The following SPAG16 variants were observed in gnomAD, a reference collection of about 807,000 sequenced individuals.
SPAG16 encodes sperm associated antigen 16, also known as sperm-associated antigen 16 protein.
Under a neutral mutation model 80.4 loss-of-function variants are expected in SPAG16, and 86 were observed. The ratio of observed to expected loss-of-function variants is 1.07; its 90% CI spans 0.90 to 1.28. The LOEUF (loss-of-function observed/expected upper bound fraction) is 1.28, where lower values mean the gene tolerates loss of function less well. SPAG16 is among the 50% of genes most tolerant of loss of function. The probability of loss-of-function intolerance (pLI) is 0.00; values close to 1 mark genes in which losing one functional copy is unlikely to be tolerated. For synonymous variants in SPAG16, 294 were observed against 265.9 expected (o/e 1.11, Z -1.03); for missense variants, 870 against 765.3 (o/e 1.14, Z -1.61).
intron 10 of SPAG16, among the ~76,000 whole-genome samples, chr2:213,798,903 T>C (rs2125631259): frequency 6.6e-6 from 1 of 152,344 alleles, no homozygotes; most frequent in East Asian, 1.9e-4. Context: ...TAAGAGTTTA[T>C]TACTGGGTTC....
intron 12 of SPAG16, among the ~76,000 whole-genome samples, chr2:213,975,670 A>G (rs2045333920): frequency 6.6e-6 from 1 of 152,056 alleles, no homozygotes; most frequent in African/African-American, 2.4e-5. Context: ...TGATGAATCT[A>G]AGAATAATTA....
At chr2:214,372,259 T>C (rs1337068695) in intron 15 of SPAG16, among the ~76,000 whole-genome samples, 2 of 152,208 alleles carry the variant, frequency 1.3e-5, no homozygotes. Flanking sequence ...AGAAATTGTA[T>C]AAACAGCCTG....
intron 10 of SPAG16, among the ~76,000 whole-genome samples, chr2:213,686,003 G>C (rs2064648306): frequency 6.6e-6 from 1 of 152,144 alleles, no homozygotes; most frequent in Non-Finnish European, 1.5e-5. Context: ...AATAAATTTT[G>C]ACATATAATT....
chr2:213,652,599 G>C (rs910119807), intron 10 of SPAG16, among the ~76,000 whole-genome samples: 19 of 152,050 alleles, frequency 1.2e-4, no homozygotes, highest in African/African-American at 4.6e-4. Context: ...CTAACAGGTA[G>C]TGATATATTG....
chr2:213,321,125 TATCAA>T (rs900976012), intron 5 of SPAG16, among the ~76,000 whole-genome samples: 4 of 152,078 alleles, frequency 2.6e-5, no homozygotes, highest in Non-Finnish European at 5.9e-5. Flanking sequence ...ATAAAATAGA[TATCAA>T]ATACTTTTCT....
chr2:213,348,781 C>G (rs925700671), intron 6 of SPAG16, among the ~76,000 whole-genome samples: 1 of 152,128 alleles, frequency 6.6e-6, no homozygotes, highest in African/African-American at 2.4e-5. Flanking sequence ...TTGTGACTAA[C>G]CCGACCTTTC....
At position 213,769,471 on chromosome 2, in the gene SPAG16, T is replaced by A. The variant is rs534382334; in HGVS notation, c.1071-93014T>A. ...TGGCATTGGTGACAGCGTTATCAGA[T>A]TAGGTGGTATACCAGAGTCAGAAGT... On this transcript the variant is annotated intron_variant, in intron 10 of 15. Transcript: ENST00000331683. 2.6e-5 allele frequency among the ~76,000 whole-genome samples: 4 copies of A among 152,230 alleles called. No individual in the cohort carries two copies. In the East Asian group the frequency reaches 7.7e-4, roughly 29 times the overall value.
At chr2:213,675,091 A>G (rs1283629179) in intron 10 of SPAG16, among the ~76,000 whole-genome samples, 1 of 151,624 alleles carries the variant, frequency 6.6e-6, no homozygotes, top group Non-Finnish European at 1.5e-5. Context: ...GTGGTGTGAG[A>G]TGATATCTCA....
intron 15 of SPAG16, among the ~76,000 whole-genome samples, chr2:214,266,261 C>A (rs920237118): frequency 2.6e-5 from 4 of 151,830 alleles, no homozygotes; most frequent in African/African-American, 4.8e-5. Context: ...TTGCCTGTAG[C>A]ATGTATTAAG....
At chr2:213,867,973 A>C (rs537455359) in intron 11 of SPAG16, among the ~76,000 whole-genome samples, 2 of 150,116 alleles carry the variant, frequency 1.3e-5, no homozygotes, top group South Asian at 4.2e-4. Flanking sequence ...GTTGTTATAA[A>C]ACTGTCAGCC....
At chr2:213,541,323 C>T (rs528026307) in intron 10 of SPAG16, among the ~76,000 whole-genome samples, 1 of 152,150 alleles carries the variant, frequency 6.6e-6, no homozygotes, top group African/African-American at 2.4e-5. Context: ...AGAGTATGCT[C>T]TTGAAACATC....
chr2:213,763,470 C>T (rs1449231331), intron 10 of SPAG16, among the ~76,000 whole-genome samples: 1 of 152,068 alleles, frequency 6.6e-6, no homozygotes, highest in African/African-American at 2.4e-5. Flanking sequence ...ATTAGGTATT[C>T]AAGTAGTCAA....
intron 15 of SPAG16, among the ~76,000 whole-genome samples, chr2:214,328,874 G>T (rs182586971): frequency 1.3e-5 from 2 of 152,042 alleles, no homozygotes; most frequent in Non-Finnish European, 2.9e-5. Flanking sequence ...TTCTAGGCAC[G>T]GGGGAAGGCA....
At position 214,410,487 on chromosome 2, in the gene SPAG16, A is replaced by G. The variant is rs1482828435; in HGVS notation, c.*172A>G. On this transcript the variant is annotated 3_prime_UTR_variant, in exon 16 of 16. Coordinates refer to ENST00000331683, the MANE Select transcript of SPAG16 (RefSeq NM_024532.5). ...TGCTCATACTGTTACTAATAAAAAAATAACTTTATGCTCACCCATTTGTGT... is the reference window on the plus strand; with the variant it reads ...TGCTCATACTGTTACTAATAAAAAAGTAACTTTATGCTCACCCATTTGTGT... 4 of 505,222 alleles carry G rather than the reference A, an allele frequency of 7.9e-6. No homozygotes were observed. The highest frequency in any genetic ancestry group is 5.8e-5 in the African/African-American group (3 of 51,434). The allele number at this position is 505,222 out of a possible 1,614,324, so 31.3% of individuals were successfully genotyped here.
chr2:214,160,200 T>C (rs983173301), intron 15 of SPAG16, among the ~76,000 whole-genome samples: 1 of 151,980 alleles, frequency 6.6e-6, no homozygotes, highest in Non-Finnish European at 1.5e-5. Flanking sequence ...ATTCCTATAA[T>C]ATTAGCTATA....
chr2:213,417,802 A>C (rs1308434738), intron 9 of SPAG16, among the ~76,000 whole-genome samples: 2 of 152,176 alleles, frequency 1.3e-5, no homozygotes, highest in Non-Finnish European at 2.9e-5. Flanking sequence ...TAATCATGTC[A>C]ATCAAAAATA....
chr2:213,564,424 G>A (rs913668182), intron 10 of SPAG16, among the ~76,000 whole-genome samples: 1 of 151,500 alleles, frequency 6.6e-6, no homozygotes, highest in African/African-American at 2.4e-5. Flanking sequence ...GAACCTGGGA[G>A]GCGGAGGTTG....
chr2:214,203,429 A>C (rs1440927123), intron 15 of SPAG16, among the ~76,000 whole-genome samples: 1 of 152,126 alleles, frequency 6.6e-6, no homozygotes, highest in African/African-American at 2.4e-5. Flanking sequence ...AGCCGAGAGA[A>C]TCCACAGACC....
chr2:214,145,603 T>C (rs2055598805), intron 14 of SPAG16, among the ~76,000 whole-genome samples: 1 of 152,138 alleles, frequency 6.6e-6, no homozygotes, highest in African/African-American at 2.4e-5. Flanking sequence ...TTTCTCATTA[T>C]AGGATCTTTA....
Sources: gnomAD v4.1 joint callset for allele counts (sites outside exome capture counted in the v4.1 genomes callset) on GRCh38, gnomAD v4.1.1 for gene constraint, MANE v1.5 for transcripts, NCBI Gene and HGNC (gene_info 2026-07-23, HGNC 2026-07-21) for gene names.